Variants in PRPF31 observed in about 807,000 individuals in gnomAD.
PRPF31 encodes the protein U4/U6 small nuclear ribonucleoprotein Prp31.
PRPF31 carries 12 observed loss-of-function variants against 60.4 expected under a neutral mutation model. That is an observed-to-expected ratio of 0.20 (90% confidence interval 0.13 to 0.32). The LOEUF (loss-of-function observed/expected upper bound fraction) is 0.32, where lower values mean the gene tolerates loss of function less well. PRPF31 is among the 10% of genes least tolerant of loss of function. PRPF31 has a pLI of 1.00. For missense variants in PRPF31, 431 were observed against 687.1 expected (o/e 0.63, Z 4.17); for synonymous variants, 287 against 287.9 (o/e 1.00, Z 0.03).
At chr19:54,130,635 AAAAG>A (rs1170408575) in intron 13 of PRPF31, among the ~76,000 whole-genome samples, 2 of 152,052 alleles carry the variant, frequency 1.3e-5, no homozygotes, top group East Asian at 3.9e-4. Flanking sequence ...AAAAAAAAAA[AAAAG>A]AAGGCAGAAA....
At chr19:54,122,067 T>A in intron 4 of PRPF31, 124 bp downstream of exon 4, 1 of 987,886 alleles carries the variant, frequency 1.0e-6, no homozygotes, top group Non-Finnish European at 1.5e-6. Context: ...GTTGACCTGC[T>A]GTCACAGAGT....
chr19:54,124,801 C>A, intron 8 of PRPF31, 145 bp downstream of exon 8: 1 of 956,116 alleles, frequency 1.0e-6, no homozygotes, highest in African/African-American at 1.6e-5. Flanking sequence ...ACGTGAGAGC[C>A]AGGGCTCTGC....
chr19:54,127,986 C>T (rs2073958706), intron 9 of PRPF31, 87 bp from the exon 10 acceptor site: 8 of 1,530,436 alleles, frequency 5.2e-6, no homozygotes, highest in South Asian at 2.4e-5. Context: ...AACTAAGGCA[C>T]GTGGATACTC....
intron 1 of PRPF31, among the ~76,000 whole-genome samples, chr19:54,116,477 A>C (rs2668836): frequency 0.044 from 6,748 of 152,092 alleles, 195 homozygotes; most frequent in Non-Finnish European, 0.062. Context: ...AAGTGCTGGG[A>C]TTACAGGCAT....
Position 54,129,125 on chromosome 19 carries a change from G to C in PRPF31, c.1215G>C (p.Gly405=). ...SLGHLGKSGS[G]RVRQTQVNEA... is the part of the protein sequence containing the mutation. ...GCCACCTGGGCAAGTCGGGCAGTGG[G>C]CGTGTGCGGCAGACACAGGTAAACG... The change falls in exon 12 of 14, where the codon GGG becomes GGC. Residue 405 remains glycine, a synonymous_variant. Coordinates refer to ENST00000321030, the MANE Select transcript of PRPF31 (RefSeq NM_015629.4). 8 of 1,582,230 alleles carry C rather than the reference G, an allele frequency of 5.1e-6. No individual in the cohort carries two copies. Among genetic ancestry groups the C allele is most frequent in the Non-Finnish European group, 6.9e-6 (8 of 1,165,010 alleles).
chr19:54,125,788 G>GGA (rs1453277671), intron 8 of PRPF31, among the ~76,000 whole-genome samples: 1 of 152,206 alleles, frequency 6.6e-6, no homozygotes, highest in African/African-American at 2.4e-5. Flanking sequence ...CATCCTGGGA[G>GGA]GAGAGAGAGT....
At chr19:54,128,557 C>G (rs587629159) in intron 11 of PRPF31, among the ~76,000 whole-genome samples, 180 bp downstream of exon 11, 3 of 138,744 alleles carry the variant, frequency 2.2e-5, no homozygotes, top group African/African-American at 1.0e-4. Context: ...AAGCGACCCT[C>G]GCGACCCTTG....
At chr19:54,130,351 C>T (rs140809266) in intron 13 of PRPF31, among the ~76,000 whole-genome samples, 175 of 152,242 alleles carry the variant, frequency 1.1e-3, no homozygotes, top group African/African-American at 4.0e-3. Context: ...CCAGGCCGGG[C>T]GCGGTGGCTC....
chr19:54,124,750 C>A, intron 8 of PRPF31, 94 bp downstream of exon 8: 1 of 1,420,116 alleles, frequency 7.0e-7, no homozygotes, highest in Non-Finnish European at 9.8e-7. Context: ...TCTGGCCCAG[C>A]TGACGGTAGC....
rs1365402475 is a variant in PRPF31 at position 54,128,219 on chromosome 19, C to A, written c.1073+19C>A. 1.9e-6 allele frequency: 3 copies of A among 1,568,724 alleles called. No individual in the cohort carries two copies. The Admixed American group carries it at 5.8e-5, about 30-fold the overall frequency. ...GCCGCAGGTGAGGGGCCCTGGGGGT[C>A]CGGTAGGCATGGGGGTCATGGAGGG... On this transcript the variant is annotated intron_variant, in intron 10 of 13. Coordinates refer to ENST00000321030, the MANE Select transcript of PRPF31 (RefSeq NM_015629.4).
rs909382602 is a variant in PRPF31 at position 54,126,163 on chromosome 19, C to T, written c.856-365C>T. The stretch of plus-strand genomic sequence containing the variant: ...ATCTGAAAAGGGGGTGCAATGATCA[C>T]ACCAGCCCGATATTTGAATATTTGA... On this transcript the variant is annotated intron_variant, in intron 8 of 13. Coordinates refer to ENST00000321030, the MANE Select transcript of PRPF31 (RefSeq NM_015629.4). Among the ~76,000 whole-genome samples the T allele has an allele frequency of 7.9e-4, 121 of 152,216 alleles. 2 individuals are homozygous for T. Among genetic ancestry groups the T allele is most frequent in the Non-Finnish European group, 2.2e-4 (15 of 68,042 alleles).
At chr19:54,119,514 T>A (rs1168644931) in intron 3 of PRPF31, 2 of 151,416 alleles carry the variant, frequency 1.3e-5, no homozygotes, top group African/African-American at 4.9e-5. Context: ...TTTTTTTCCT[T>A]GAGATAGAGT....
At chr19:54,131,280 A>T (rs779216021) in intron 13 of PRPF31, 27 bp from the exon 14 acceptor site, 2 of 1,613,460 alleles carry the variant, frequency 1.2e-6, no homozygotes, top group Non-Finnish European at 1.7e-6. Flanking sequence ...CACCTAACCC[A>T]TCATCCTCTC....
chr19:54,131,122 C>G (rs587769433), intron 13 of PRPF31, among the ~76,000 whole-genome samples, 185 bp from the exon 14 acceptor site: 16 of 152,304 alleles, frequency 1.1e-4, no homozygotes, highest in Non-Finnish European at 1.8e-4. Flanking sequence ...GGTTCCTCCC[C>G]ACCCTCTCCC....
chr19:54,129,143 G>T lies in PRPF31; in HGVS notation c.1233G>T (p.Gln411His). The change falls in exon 12 of 14, where the codon CAG becomes CAT. Residue 411 changes from glutamine to histidine, a missense_variant. Gln to His is a conservative substitution (Grantham distance 24). Around this residue, in one of 4 missense-constraint regions of PRPF31, gnomAD observed 314 missense variants for 475.3 expected, o/e 0.66. Transcript: ENST00000321030. ...GCAGTGGGCGTGTGCGGCAGACACA[G>T]GTAAACGAGGCCACCAAGGCCAGGA... Reference protein sequence around the residue: ...KSGSGRVRQTQVNEATKARIS... With the variant: ...KSGSGRVRQTHVNEATKARIS... 6.3e-7 allele frequency: 1 copy of T among 1,581,396 alleles called. No homozygotes were observed.
chr19:54,128,093 T>C lies in PRPF31; in HGVS notation c.966T>C (p.Asp322=), dbSNP rs369367985. The C allele has an allele frequency of 1.4e-5, 22 of 1,548,772 alleles. No homozygotes were observed. In the African/African-American group the frequency reaches 2.9e-4, roughly 20 times the overall value. The part of the protein sequence containing the change: ...TEGKVGYELK[D]EIERKFDKWQ... Reference sequence around the variant, plus strand: ...CCCAGGTGGGCTACGAACTGAAGGATGAGATCGAGCGCAAATTCGACAAGT... The same window carrying C: ...CCCAGGTGGGCTACGAACTGAAGGACGAGATCGAGCGCAAATTCGACAAGT... Residue 322 remains aspartate (D), a synonymous_variant, in exon 10 of 14, where the codon GAT becomes GAC. Coordinates refer to ENST00000321030, the MANE Select transcript of PRPF31 (RefSeq NM_015629.4).
intron 13 of PRPF31, among the ~76,000 whole-genome samples, chr19:54,130,689 A>G (rs1309554786): frequency 6.6e-6 from 1 of 151,300 alleles, no homozygotes; most frequent in Non-Finnish European, 1.5e-5. Flanking sequence ...GAGGTGGGAC[A>G]GGGGAGGCTC....
In PRPF31 at chr19:54,115,776, CAGT is replaced by C. The variant is rs754836016; in HGVS notation, c.-29_-27del. On this transcript the variant is annotated 5_prime_UTR_variant, in exon 1 of 14. Transcript: ENST00000321030. ...ATCGGTGAGCGACTAACGCTAGAAA[CAGT>C]GGTGCGCGGAGAGGAGAGGTGAGTG... is the stretch of plus-strand genomic sequence containing the variant. 50 of 249,288 alleles carry C rather than the reference CAGT, an allele frequency of 2.0e-4. 1 individual carries two copies. The South Asian group carries it at 2.1e-3, about 11-fold the overall frequency. The allele number at this position is 249,288 out of a possible 1,614,324, so 15.4% of individuals were successfully genotyped here.
intron 11 of PRPF31, 26 bp downstream of exon 11, chr19:54,128,403 A>C: frequency 6.5e-7 from 1 of 1,538,280 alleles, no homozygotes; most frequent in Non-Finnish European, 8.8e-7. Flanking sequence ...CGCCCTCCTC[A>C]ACCCCACAGC....
Sources: gnomAD v4.1 joint callset for allele counts (sites outside exome capture counted in the v4.1 genomes callset) on GRCh38, gnomAD v4.1.1 for gene constraint, gnomAD v4.1.1 regional missense constraint, MANE v1.5 for transcripts, NCBI Gene and HGNC (gene_info 2026-07-23, HGNC 2026-07-21) for gene names.